TRPV4: variants seen among roughly 807,000 people sequenced by gnomAD.
TRPV4 encodes the protein transient receptor potential cation channel subfamily V member 4.
Under a neutral mutation model 84.1 loss-of-function variants are expected in TRPV4, and 58 were observed. The ratio of observed to expected loss-of-function variants is 0.69; its 90% CI spans 0.56 to 0.86. The LOEUF (loss-of-function observed/expected upper bound fraction) is 0.86. Ranked by LOEUF, TRPV4 falls within the 40% of genes least tolerant of loss-of-function variation. The pLI is 0.00. For missense variants in TRPV4, 879 were observed against 1,181.1 expected, an observed-to-expected ratio of 0.74 and a Z score of 3.75; for synonymous variants, 489 against 500.9, an observed-to-expected ratio of 0.98 and a Z score of 0.32.
In TRPV4 at chr12:109,796,094, C is replaced by A. The variant is rs1565868333; in HGVS notation, c.1332+431G>T. Among the ~76,000 whole-genome samples the A allele has an allele frequency of 6.6e-6, 1 of 152,082 alleles. No homozygotes were observed. Among genetic ancestry groups the A allele is most frequent in the Non-Finnish European group, 1.5e-5 (1 of 68,006 alleles). On this transcript the variant is annotated intron_variant, in intron 7 of 15. Transcript: ENST00000261740. The surrounding 1 kb of genome is among the most constrained non-coding windows in gnomAD (Gnocchi z 4.2). ...AGCTTTCAAAAGTTCATATAACAAC[C>A]ATGAGTAGTAAAAGCTGACATAATG...
At chr12:109,785,521 C>T (rs1030881902) in intron 14 of TRPV4, among the ~76,000 whole-genome samples, 2 of 151,804 alleles carry the variant, frequency 1.3e-5, no homozygotes, top group African/African-American at 2.4e-5. Flanking sequence ...CAGGTTCAAG[C>T]GATTCTCCTG....
chr12:109,797,391 TGATCCGCCCACCTCG>T (rs547535511), intron 6 of TRPV4, among the ~76,000 whole-genome samples: 1 of 152,222 alleles, frequency 6.6e-6, no homozygotes, highest in African/African-American at 2.4e-5. Context: ...TGACCTCAGG[TGATCCGCCCACCTCG>T]GCCTCCCAAA....
chr12:109,802,618 T>TATTTTA (rs200343065), intron 4 of TRPV4, among the ~76,000 whole-genome samples: 1 of 100,828 alleles, frequency 9.9e-6, no homozygotes, highest in African/African-American at 3.5e-5. Context: ...TATTTTATTT[T>TATTTTA]TTTTTTTTTG....
At position 109,808,453 on chromosome 12, in the gene TRPV4, G is replaced by T. The variant is rs201241092; in HGVS notation, c.402C>A (p.Ser134Arg). 1.5e-4 allele frequency: 248 copies of T among 1,613,010 alleles called. No individual in the cohort carries two copies. Among genetic ancestry groups the T allele is most frequent in the Middle Eastern group, 5.0e-4 (3 of 5,984 alleles). ...GCGGCTGAGGGGCAGGGGCTTTGGGGCTCTGCGGCTGCTTCCTGGAGGAGG... is the reference window on the plus strand; with the variant it reads ...GCGGCTGAGGGGCAGGGGCTTTGGGTCTCTGCGGCTGCTTCCTGGAGGAGG... Reference protein sequence around the residue: ...RKKIIEKQPQSPKAPAPQPPP... With the variant: ...RKKIIEKQPQRPKAPAPQPPP... Residue 134 changes from serine (S) to arginine (R), a missense_variant, in exon 3 of 16, where the codon AGC (serine) becomes AGA (arginine). By Grantham distance (110) the Ser-to-Arg change is moderately radical. Around this residue, in one of 4 missense-constraint regions of TRPV4, gnomAD observed 521 missense variants for 686.6 expected, o/e 0.76. Transcript: ENST00000261740.
chr12:109,822,995 C>A (rs559653540), intron 1 of TRPV4, among the ~76,000 whole-genome samples: 5 of 152,150 alleles, frequency 3.3e-5, no homozygotes, highest in Admixed American at 2.0e-4. Flanking sequence ...GAAGGCAGAG[C>A]GGCCAGATCC....
chr12:109,796,763 C>G lies in TRPV4; in HGVS notation c.1153-59G>C. The G allele has an allele frequency of 6.4e-7, 1 of 1,553,966 alleles. No homozygotes were observed. Reference sequence around the variant, plus strand: ...CACTGGAAAGACCCCCAGGGCTGGGCCCAGCTCAGCACATGACGCCTCCCC... The same window carrying G: ...CACTGGAAAGACCCCCAGGGCTGGGGCCAGCTCAGCACATGACGCCTCCCC... On this transcript the variant is annotated intron_variant, in intron 6 of 15. Transcript: ENST00000261740. The surrounding 1 kb of genome is among the most constrained non-coding windows in gnomAD (Gnocchi z 4.2).
At chr12:109,790,415 C>G (rs1404382093) in intron 12 of TRPV4, among the ~76,000 whole-genome samples, 1 of 152,234 alleles carries the variant, frequency 6.6e-6, no homozygotes, top group Non-Finnish European at 1.5e-5. Context: ...ATGACCCATG[C>G]CACTGAGGTC....
At chr12:109,803,638 T>G (rs2136565746) in intron 3 of TRPV4, among the ~76,000 whole-genome samples, 1 of 151,706 alleles carries the variant, frequency 6.6e-6, no homozygotes, top group East Asian at 1.9e-4. Context: ...ATTTTTATTT[T>G]CGTAGAGAAG....
chr12:109,830,682 T>G (rs946142181), intron 1 of TRPV4, among the ~76,000 whole-genome samples: 5 of 151,980 alleles, frequency 3.3e-5, no homozygotes, highest in Non-Finnish European at 5.9e-5. Flanking sequence ...CGGACTGGAG[T>G]GTCTTTCCCA....
At chr12:109,820,514 C>CTTTTTTTTTTTTTTTTTTTTTTTTTT (rs1186445597) in intron 1 of TRPV4, among the ~76,000 whole-genome samples, 3 of 123,076 alleles carry the variant, frequency 2.4e-5, no homozygotes, top group African/African-American at 6.2e-5. Context: ...TTCAGCTGCC[C>CTTTTTTTTTTTTTTTTTTTTTTTTTT]TATTTTTTTT....
chr12:109,823,795 T>C (rs1892175429), intron 1 of TRPV4, among the ~76,000 whole-genome samples: 1 of 152,188 alleles, frequency 6.6e-6, no homozygotes, highest in Admixed American at 6.5e-5. Flanking sequence ...GACTGAGTTA[T>C]GAGTATGTGA....
intron 1 of TRPV4, among the ~76,000 whole-genome samples, chr12:109,829,104 C>T (rs938332605): frequency 3.3e-5 from 5 of 151,884 alleles, no homozygotes; most frequent in South Asian, 2.1e-4. Context: ...CCCAGGAGTT[C>T]GAGGCTGCTG....
chr12:109,818,315 T>A (rs1249123427), intron 1 of TRPV4, among the ~76,000 whole-genome samples: 2 of 151,966 alleles, frequency 1.3e-5, no homozygotes, highest in South Asian at 2.1e-4. Context: ...GTAAACATCC[T>A]CCAAAACAAA....
intron 2 of TRPV4, among the ~76,000 whole-genome samples, chr12:109,809,510 T>G (rs530774070): frequency 1.4e-5 from 2 of 142,916 alleles, no homozygotes; most frequent in Admixed American, 6.9e-5. Flanking sequence ...CACTCCTCCA[T>G]CTGTCCACCC....
At chr12:109,787,079 G>A (rs1001664969) in intron 13 of TRPV4, among the ~76,000 whole-genome samples, 7 of 152,150 alleles carry the variant, frequency 4.6e-5, no homozygotes, top group African/African-American at 1.7e-4. Flanking sequence ...CACTTACACA[G>A]CAGTTGCCTC....
intron 2 of TRPV4, among the ~76,000 whole-genome samples, chr12:109,810,622 G>A (rs1305217133): frequency 2.6e-5 from 4 of 152,184 alleles, no homozygotes; most frequent in Non-Finnish European, 4.4e-5. Flanking sequence ...AGGGTAAGAC[G>A]TGCTCTCCTG....
At chr12:109,831,735 C>T (rs1892414860) in intron 1 of TRPV4, among the ~76,000 whole-genome samples, 1 of 152,240 alleles carries the variant, frequency 6.6e-6, no homozygotes, top group African/African-American at 2.4e-5. Context: ...AACATCCCTC[C>T]TGGGGGCATC....
rs56097017 is a variant in TRPV4, at chr12:109,783,830, G to T, written c.2459-52C>A. 6.3e-7 allele frequency: 1 copy of T among 1,597,954 alleles called. No homozygotes were observed. On this transcript the variant is annotated intron_variant, in intron 15 of 15. Transcript: ENST00000261740. The surrounding 1 kb of genome is among the most constrained non-coding windows in gnomAD (Gnocchi z 4.6). ...GGGTGGGGGTTGGTGGAGAGAGAGC[G>T]TGCGTATATTGAGTGCCTACTGTGT... is the stretch of plus-strand genomic sequence containing the variant.
Position 109,796,407 on chromosome 12 carries a change from C to T in TRPV4, c.1332+118G>A. The T allele has an allele frequency of 8.4e-7, 1 of 1,185,384 alleles. No homozygotes were observed. Among genetic ancestry groups the T allele is most frequent in the Non-Finnish European group, 1.2e-6 (1 of 820,280 alleles). 73.4% of individuals were successfully genotyped at this position (1,185,384 alleles called of 1,614,324 possible). ...CTTCTCTTGCATTCAGCCAACAGAC[C>T]CACCACGTTGGGTCCTAGAGGCTGG... On this transcript the variant is annotated intron_variant, in intron 7 of 15. Coordinates refer to ENST00000261740, the MANE Select transcript of TRPV4 (RefSeq NM_021625.5). This position sits in a 1 kb window ranked among gnomAD's most constrained non-coding sequence, Gnocchi z 4.2.
Sources: gnomAD v4.1 joint callset for allele counts (sites outside exome capture counted in the v4.1 genomes callset) on GRCh38, gnomAD v4.1.1 for gene constraint, gnomAD v4.1.1 regional missense constraint, Gnocchi (gnomAD v3.1) non-coding constraint, MANE v1.5 for transcripts, NCBI Gene and HGNC (gene_info 2026-07-23, HGNC 2026-07-21) for gene names.